Variants in PTPRN2 observed in about 807,000 individuals in gnomAD.
The protein encoded by PTPRN2 is protein tyrosine phosphatase receptor type N2.
A neutral mutation model predicts 118.8 loss-of-function variants in PTPRN2; 74 were observed. The ratio of observed to expected loss-of-function variants is 0.62; its 90% CI spans 0.52 to 0.76. PTPRN2 has a LOEUF of 0.76. PTPRN2 is among the 30% of genes least tolerant of loss of function. The probability of loss-of-function intolerance (pLI) is 0.00; values close to 1 mark genes in which losing one functional copy is unlikely to be tolerated. For missense variants in PTPRN2, 1,481 were observed against 1,394.4 expected (o/e 1.06, Z -0.99); for synonymous variants, 641 against 608.0 (o/e 1.05, Z -0.80).
At chr7:158,385,900 C>T (rs1456665312) in intron 2 of PTPRN2, among the ~76,000 whole-genome samples, 2 of 151,086 alleles carry the variant, frequency 1.3e-5, no homozygotes, top group African/African-American at 2.4e-5. Flanking sequence ...GTCCCTCCTT[C>T]CGTGCTCCTC....
At chr7:158,575,540 A>AT (rs1281892319) in intron 1 of PTPRN2, among the ~76,000 whole-genome samples, 1 of 152,054 alleles carries the variant, frequency 6.6e-6, no homozygotes, top group East Asian at 1.9e-4. Flanking sequence ...AATTTTTTAC[A>AT]TTTTTTGTAG....
At chr7:157,558,356 G>A (rs955172828) in intron 21 of PTPRN2, among the ~76,000 whole-genome samples, 5 of 152,312 alleles carry the variant, frequency 3.3e-5, no homozygotes, top group East Asian at 1.9e-4. Context: ...TCCGTGTGAT[G>A]GGGCACACGC....
chr7:158,492,872 C>A lies in PTPRN2; in HGVS notation c.113-3087G>T, dbSNP rs185400021. Among the ~76,000 whole-genome samples the A allele has an allele frequency of 1.7e-3, 252 of 152,370 alleles. 2 individuals carry two copies. In the South Asian group the frequency reaches 0.023, roughly 14 times the overall value. ...CTTCCTCGAGTGGGCTCCACACCCG[C>A]CATGTGGCGGCAAGTGGCATCCTGG... is the stretch of plus-strand genomic sequence containing the variant. On this transcript the variant is annotated intron_variant, in intron 1 of 22. Transcript: ENST00000389418.
intron 11 of PTPRN2, among the ~76,000 whole-genome samples, chr7:158,016,809 G>A (rs867323581): frequency 6.6e-6 from 1 of 152,136 alleles, no homozygotes; most frequent in African/African-American, 2.4e-5. Context: ...CACACCATGC[G>A]GCAGGAATAA....
intron 11 of PTPRN2, among the ~76,000 whole-genome samples, chr7:158,034,447 T>C (rs1269684192): frequency 1.3e-5 from 2 of 152,144 alleles, no homozygotes; most frequent in East Asian, 1.9e-4. Flanking sequence ...AGTGAATAGG[T>C]CTCACAAGAT....
In PTPRN2 at chr7:157,850,845, C is replaced by T. The variant is rs114310295; in HGVS notation, c.1788+47828G>A. Among the ~76,000 whole-genome samples the T allele has an allele frequency of 3.1e-3, 468 of 152,312 alleles. 3 individuals carry two copies. The highest frequency in any genetic ancestry group is 0.011 in the African/African-American group (462 of 41,572). On this transcript the variant is annotated intron_variant, in intron 12 of 22. Coordinates refer to ENST00000389418, the MANE Select transcript of PTPRN2 (RefSeq NM_002847.5). ...ATGCAGGATCAGGAATGCTGTGCCA[C>T]ATCAATGTGTAAAATACAATCTTCA...
intron 1 of PTPRN2, among the ~76,000 whole-genome samples, chr7:158,578,162 T>C (rs1423921477): frequency 6.6e-6 from 1 of 152,188 alleles, no homozygotes; most frequent in South Asian, 2.1e-4. Context: ...AAATATTACA[T>C]AATAAAACAT....
At chr7:158,377,290 C>T (rs772887000) in intron 2 of PTPRN2, among the ~76,000 whole-genome samples, 3 of 151,980 alleles carry the variant, frequency 2.0e-5, no homozygotes, top group Non-Finnish European at 4.4e-5. Context: ...ATCAAGCACG[C>T]GGGGTCAGGG....
At chr7:158,111,743 C>T (rs970855742) in intron 9 of PTPRN2, among the ~76,000 whole-genome samples, 2 of 152,160 alleles carry the variant, frequency 1.3e-5, no homozygotes, top group East Asian at 1.9e-4. Context: ...GCCCTGCCCT[C>T]GAGGGGTTCA....
rs1329801298 is a variant in PTPRN2, at chr7:157,671,945, A to T, written c.2001+10780T>A. Among the ~76,000 whole-genome samples the T allele has an allele frequency of 1.3e-5, 2 of 152,046 alleles. No homozygotes were observed. Among genetic ancestry groups the T allele is most frequent in the Non-Finnish European group, 2.9e-5 (2 of 68,004 alleles). On this transcript the variant is annotated intron_variant, in intron 13 of 22. Transcript: ENST00000389418. This position sits in a 1 kb window ranked among gnomAD's most constrained non-coding sequence, Gnocchi z 4.1. Reference sequence around the variant, plus strand: ...TTCTAAAAGTCTACGCTGTACCCCAAGAAGGGGACGGGTGGGGCAGCAGCC... The same window carrying T: ...TTCTAAAAGTCTACGCTGTACCCCATGAAGGGGACGGGTGGGGCAGCAGCC...
chr7:158,317,505 T>G (rs757025599), intron 2 of PTPRN2, among the ~76,000 whole-genome samples: 1 of 152,266 alleles, frequency 6.6e-6, no homozygotes, highest in African/African-American at 2.4e-5. Context: ...CGATTCCATT[T>G]GTCTGAAATG....
chr7:158,395,986 C>A (rs1328330488), intron 2 of PTPRN2, among the ~76,000 whole-genome samples: 1 of 152,078 alleles, frequency 6.6e-6, no homozygotes, highest in Non-Finnish European at 1.5e-5. Context: ...TCATCCCAGT[C>A]CCGCCGCGAC....
chr7:157,812,487 A>T (rs1806117318), intron 12 of PTPRN2, among the ~76,000 whole-genome samples: 1 of 151,968 alleles, frequency 6.6e-6, no homozygotes, highest in South Asian at 2.1e-4. Flanking sequence ...AAAAAGAAAA[A>T]CTCTTTCAAC....
intron 3 of PTPRN2, among the ~76,000 whole-genome samples, chr7:158,263,691 A>G (rs1344028398): frequency 1.3e-5 from 2 of 152,302 alleles, no homozygotes; most frequent in East Asian, 3.9e-4. Context: ...AGGGGAAGGC[A>G]CAGCCATGGG....
chr7:157,911,671 A>C (rs1798114586), intron 11 of PTPRN2, among the ~76,000 whole-genome samples: 1 of 152,232 alleles, frequency 6.6e-6, no homozygotes, highest in Non-Finnish European at 1.5e-5. Flanking sequence ...AAAAGAGATA[A>C]AACATTAAAA....
intron 12 of PTPRN2, among the ~76,000 whole-genome samples, chr7:157,730,084 C>A (rs1030447364): frequency 6.6e-6 from 1 of 152,090 alleles, no homozygotes; most frequent in African/African-American, 2.4e-5. Context: ...AGGGTAAAGT[C>A]CACATTCGCA....
At chr7:157,898,543 C>G in intron 12 of PTPRN2, 130 bp downstream of exon 12, 1 of 936,634 alleles carries the variant, frequency 1.1e-6, no homozygotes, top group Non-Finnish European at 1.7e-6. Flanking sequence ...CTGCAGCCCA[C>G]TGGTCCTCCC....
rs1049269365 is a variant in PTPRN2, at chr7:157,598,092, A to T, written c.2419-2777T>A. Among the ~76,000 whole-genome samples the T allele has an allele frequency of 6.6e-6, 1 of 152,214 alleles. No individual in the cohort carries two copies. The highest frequency in any genetic ancestry group is 1.5e-5 in the Non-Finnish European group (1 of 68,042). Reference sequence around the variant, plus strand: ...ACTACATTTAAGGTTTTCGGGCAGGATAAGTGGCTGTGGAGGAAATCAAGT... The same window carrying T: ...ACTACATTTAAGGTTTTCGGGCAGGTTAAGTGGCTGTGGAGGAAATCAAGT... On this transcript the variant is annotated intron_variant, in intron 16 of 22. Transcript: ENST00000389418. This position sits in a 1 kb window ranked among gnomAD's most constrained non-coding sequence, Gnocchi z 5.2.
rs560581248 is a variant in PTPRN2, at chr7:158,419,608, C to T, written c.163+70127G>A. Among the ~76,000 whole-genome samples the T allele has an allele frequency of 6.6e-5, 10 of 152,104 alleles. 1 individual carries two copies. Among genetic ancestry groups the T allele is most frequent in the South Asian group, 6.2e-4 (3 of 4,818 alleles). On this transcript the variant is annotated intron_variant, in intron 2 of 22. Transcript: ENST00000389418. The stretch of plus-strand genomic sequence containing the variant: ...CTCACACAGCCCTCCTTCCATGTCA[C>T]GCCAGGAGCCTCACCACGCAGCACT...
Sources: allele counts gnomAD v4.1 joint callset (sites outside exome capture counted in the v4.1 genomes callset), GRCh38; gene constraint gnomAD v4.1.1; non-coding constraint Gnocchi (gnomAD v3.1); transcripts MANE v1.5; gene names NCBI Gene and HGNC (gene_info 2026-07-23, HGNC 2026-07-21).